The following NEK4 variants were observed in gnomAD, a reference collection of about 807,000 sequenced individuals.
NEK4 encodes NIMA related kinase 4, also known as serine/threonine-protein kinase Nek4.
Under a neutral mutation model 98.4 loss-of-function variants are expected in NEK4, and 86 were observed. That is an observed-to-expected ratio of 0.87 (90% CI 0.73 to 1.05). The LOEUF is 1.05. NEK4 is among the 50% of genes least tolerant of loss of function. The pLI is 0.00. For missense variants in NEK4, 898 were observed against 950.3 expected, an observed-to-expected ratio of 0.94 and a Z score of 0.72; for synonymous variants, 328 against 342.2, an observed-to-expected ratio of 0.96 and a Z score of 0.46.
In NEK4 at chr3:52,739,590, G is replaced by A; in HGVS notation, c.2138C>T (p.Thr713Ile). The A allele has an allele frequency of 1.2e-6, 2 of 1,614,118 alleles. No homozygotes were observed. Among genetic ancestry groups the A allele is most frequent in the East Asian group, 4.5e-5 (2 of 44,880 alleles). The change falls in exon 14 of 16, where the codon ACT becomes ATT. Residue 713 changes from threonine (T) to isoleucine (I), a missense_variant. By Grantham distance (89) the Thr-to-Ile change is moderately conservative. Transcript: ENST00000233027. ...NEINALVQLM[T>I]QTLKLDSKES... ...TTTAGAATCCAGTTTCAGGGTCTGA[G>A]TCATCAATTGTACCAAGGCATTAAT...
At chr3:52,723,277 T>C (rs2097361714) in intron 15 of NEK4, among the ~76,000 whole-genome samples, 1 of 152,168 alleles carries the variant, frequency 6.6e-6, no homozygotes, top group Non-Finnish European at 1.5e-5. Context: ...ATTTTTTTTT[T>C]GAGATGGAGT....
chr3:52,740,273 C>T (rs1200160712), intron 13 of NEK4, among the ~76,000 whole-genome samples: 1 of 151,678 alleles, frequency 6.6e-6, no homozygotes, highest in Non-Finnish European at 1.5e-5. Context: ...TAAATGAGGA[C>T]ATTAAAATGG....
chr3:52,742,815 A>G (rs1033056587), intron 12 of NEK4, among the ~76,000 whole-genome samples: 3 of 152,156 alleles, frequency 2.0e-5, no homozygotes, highest in African/African-American at 7.2e-5. Context: ...TTTGAGACAG[A>G]GTCTTGCTCT....
At chr3:52,762,580 T>C (rs1386864259) in intron 5 of NEK4, among the ~76,000 whole-genome samples, 2 of 152,194 alleles carry the variant, frequency 1.3e-5, no homozygotes, top group African/African-American at 2.4e-5. Context: ...CGCCAAAATA[T>C]GCTACTTTGG....
intron 15 of NEK4, among the ~76,000 whole-genome samples, chr3:52,716,779 A>T (rs1051842780): frequency 3.3e-5 from 5 of 152,244 alleles, no homozygotes; most frequent in Admixed American, 6.5e-5. Context: ...GACAGAAGAA[A>T]CATTTATTTG....
chr3:52,736,838 A>T (rs1306519145), intron 15 of NEK4, among the ~76,000 whole-genome samples: 2 of 152,224 alleles, frequency 1.3e-5, no homozygotes, highest in African/African-American at 4.8e-5. Context: ...CTACCAATAT[A>T]GAAATTCTTG....
chr3:52,717,381 TGG>T (rs2154101960), intron 15 of NEK4, among the ~76,000 whole-genome samples: 1 of 139,592 alleles, frequency 7.2e-6, no homozygotes, highest in African/African-American at 2.7e-5. Flanking sequence ...CACTACAGCC[TGG>T]GTGACAAAGC....
chr3:52,729,015 A>G (rs952559356), intron 15 of NEK4, among the ~76,000 whole-genome samples: 1 of 152,154 alleles, frequency 6.6e-6, no homozygotes, highest in Non-Finnish European at 1.5e-5. Context: ...TATCAAGACA[A>G]TATGTGCACA....
At chr3:52,770,561 C>T in intron 1 of NEK4, 93 bp downstream of exon 1, 1 of 947,674 alleles carries the variant, frequency 1.1e-6, no homozygotes, top group Non-Finnish European at 1.6e-6. Flanking sequence ...CGAGATGAGC[C>T]TCTTGCGACC....
intron 10 of NEK4, 53 bp downstream of exon 10, chr3:52,746,008 A>G: frequency 1.3e-6 from 2 of 1,544,918 alleles, no homozygotes. Flanking sequence ...CATGCATGAT[A>G]CACCACGTCT....
chr3:52,757,567 A>G (rs1698162636), intron 6 of NEK4, among the ~76,000 whole-genome samples: 1 of 152,024 alleles, frequency 6.6e-6, no homozygotes, highest in South Asian at 2.1e-4. Flanking sequence ...AAAAAAAAAA[A>G]AAAAAGAAAA....
intron 15 of NEK4, among the ~76,000 whole-genome samples, chr3:52,726,072 A>T (rs530660651): frequency 6.6e-6 from 1 of 152,340 alleles, no homozygotes; most frequent in East Asian, 1.9e-4. Flanking sequence ...TGGCCTTACA[A>T]ATATCAGACA....
At chr3:52,723,793 C>T (rs1383653824) in intron 15 of NEK4, among the ~76,000 whole-genome samples, 1 of 151,996 alleles carries the variant, frequency 6.6e-6, no homozygotes, top group Non-Finnish European at 1.5e-5. Flanking sequence ...GATAAATGAT[C>T]TGAAGAAATA....
intron 2 of NEK4, 125 bp downstream of exon 2, chr3:52,768,211 TCA>T: frequency 1.2e-6 from 1 of 816,504 alleles, no homozygotes. Context: ...TGGGTCAACT[TCA>T]CAAATGAATT....
chr3:52,711,638 T>C lies in NEK4; in HGVS notation c.*139A>G. The C allele has an allele frequency of 1.6e-6, 1 of 619,092 alleles. No homozygotes were observed. Among genetic ancestry groups the C allele is most frequent in the Middle Eastern group, 2.8e-4 (1 of 3,560 alleles). 38.3% of individuals were successfully genotyped at this position (619,092 alleles called of 1,614,324 possible). ...TCTGTTCTGTCCAATTTCTTTTCTG[T>C]AGGGAAACGCCAAAGAGATATAAAA... On this transcript the variant is annotated 3_prime_UTR_variant, in exon 16 of 16. Coordinates refer to ENST00000233027, the MANE Select transcript of NEK4 (RefSeq NM_003157.6).
intron 7 of NEK4, 112 bp downstream of exon 7, chr3:52,751,820 C>T: frequency 2.9e-6 from 3 of 1,042,386 alleles, no homozygotes; most frequent in Non-Finnish European, 4.2e-6. Flanking sequence ...TATGTTTAAA[C>T]TGATACATAG....
intron 15 of NEK4, among the ~76,000 whole-genome samples, chr3:52,724,640 G>A (rs2097362933): frequency 6.6e-6 from 1 of 152,188 alleles, no homozygotes; most frequent in Non-Finnish European, 1.5e-5. Flanking sequence ...GAACAGACAG[G>A]AGAATGGTGT....
intron 6 of NEK4, among the ~76,000 whole-genome samples, chr3:52,755,007 G>C (rs1193982957): frequency 1.3e-5 from 2 of 150,010 alleles, no homozygotes; most frequent in South Asian, 2.1e-4. Context: ...CCGGGAGGCA[G>C]AGCTTGCAGT....
At chr3:52,758,178 CAAAAAAAAA>C (rs35117059) in intron 6 of NEK4, among the ~76,000 whole-genome samples, 2 of 62,786 alleles carry the variant, frequency 3.2e-5, no homozygotes, top group Admixed American at 2.4e-4. Flanking sequence ...GACACCATCT[CAAAAAAAAA>C]AAAAAAAAAA....
Sources: gnomAD v4.1 joint callset for allele counts (sites outside exome capture counted in the v4.1 genomes callset) on GRCh38, gnomAD v4.1.1 for gene constraint, MANE v1.5 for transcripts, NCBI Gene and HGNC (gene_info 2026-07-23, HGNC 2026-07-21) for gene names.